The following ITSN2 variants were observed in gnomAD, a reference collection of about 807,000 sequenced individuals.
ITSN2 encodes the protein intersectin 2.
A neutral mutation model predicts 243.7 loss-of-function variants in ITSN2; 156 were observed. The ratio of observed to expected loss-of-function variants is 0.64; its 90% CI spans 0.56 to 0.73. The LOEUF (loss-of-function observed/expected upper bound fraction) is 0.73, where lower values mean the gene tolerates loss of function less well. ITSN2 is among the 30% of genes least tolerant of loss of function. ITSN2 has a pLI of 0.00. For missense variants in ITSN2, 1,801 were observed against 1,996.1 expected (o/e 0.90, Z 1.86); for synonymous variants, 703 against 699.9 (o/e 1.00, Z -0.07).
At chr2:24,233,751 T>G (rs1228012056) in intron 29 of ITSN2, among the ~76,000 whole-genome samples, 1 of 152,174 alleles carries the variant, frequency 6.6e-6, no homozygotes, top group Admixed American at 6.5e-5. Flanking sequence ...GTGGGTATTA[T>G]TATTCTCACT....
intron 29 of ITSN2, among the ~76,000 whole-genome samples, chr2:24,223,341 C>G (rs1670659944): frequency 6.6e-6 from 1 of 151,984 alleles, no homozygotes; most frequent in South Asian, 2.1e-4. Context: ...AGAAATTACT[C>G]CCACAGAGAA....
intron 37 of ITSN2, 157 bp from the exon 38 acceptor site, chr2:24,205,454 T>G (rs974963103): frequency 1.7e-6 from 1 of 602,172 alleles, no homozygotes; most frequent in South Asian, 1.9e-5. Context: ...TTCCCCAGGC[T>G]GTGTTGCCTG....
At chr2:24,244,935 C>T (rs150007974) in intron 29 of ITSN2, among the ~76,000 whole-genome samples, 2 of 152,202 alleles carry the variant, frequency 1.3e-5, no homozygotes, top group African/African-American at 4.8e-5. Context: ...TATACTGAAT[C>T]ATAAGTGTAT....
intron 29 of ITSN2, among the ~76,000 whole-genome samples, chr2:24,227,393 A>G (rs1480528063): frequency 6.6e-6 from 1 of 152,204 alleles, no homozygotes; most frequent in Non-Finnish European, 1.5e-5. Context: ...AAAAATACAC[A>G]TGGAGATGTA....
chr2:24,257,518 G>A (rs1052551762), intron 23 of ITSN2, among the ~76,000 whole-genome samples: 1 of 150,070 alleles, frequency 6.7e-6, no homozygotes, highest in African/African-American at 2.5e-5. Flanking sequence ...GTGCAATGGC[G>A]TCATCTTGGC....
chr2:24,217,025 A>G (rs958219388), intron 31 of ITSN2, among the ~76,000 whole-genome samples: 3 of 151,684 alleles, frequency 2.0e-5, no homozygotes, highest in East Asian at 1.9e-4. Context: ...CGGAGCTGGC[A>G]GCGAGCCGAG....
chr2:24,361,285 C>T (rs978671355), upstream of ITSN2, among the ~76,000 whole-genome samples: 6 of 152,178 alleles, frequency 3.9e-5, no homozygotes, highest in Admixed American at 3.3e-4. Context: ...TCTCTTTTCT[C>T]CCCTCCCGGT....
chr2:24,206,946 G>A (rs569108955), intron 37 of ITSN2, among the ~76,000 whole-genome samples: 1 of 152,226 alleles, frequency 6.6e-6, no homozygotes, highest in South Asian at 2.1e-4. Flanking sequence ...GAGCACTTGA[G>A]CTGGAGGGGG....
intron 29 of ITSN2, among the ~76,000 whole-genome samples, chr2:24,245,177 C>G (rs192191786): frequency 1.3e-5 from 2 of 152,070 alleles, no homozygotes; most frequent in African/African-American, 2.4e-5. Context: ...ACCAAAAGAA[C>G]GGCTAGATAA....
chr2:24,304,930 A>T (rs1395625293), intron 8 of ITSN2, among the ~76,000 whole-genome samples: 1 of 152,230 alleles, frequency 6.6e-6, no homozygotes, highest in Non-Finnish European at 1.5e-5. Flanking sequence ...TAGTCGGCCA[A>T]GCCTCTGGAT....
chr2:24,313,830 A>C (rs1031889224), intron 3 of ITSN2, among the ~76,000 whole-genome samples: 7 of 152,318 alleles, frequency 4.6e-5, no homozygotes, highest in African/African-American at 1.7e-4. Flanking sequence ...ATATTTAAAA[A>C]CACTATTCCC....
chr2:24,289,744 T>C (rs1226242210), intron 15 of ITSN2, among the ~76,000 whole-genome samples: 1 of 152,218 alleles, frequency 6.6e-6, no homozygotes, highest in Non-Finnish European at 1.5e-5. Context: ...TGGCTTTCAA[T>C]GTGGCCCAAC....
Position 24,271,766 on chromosome 2 carries a change from G to T in ITSN2, c.2257C>A (p.Arg753Ser). The T allele has an allele frequency of 1.3e-6, 2 of 1,575,180 alleles. No individual in the cohort carries two copies. The highest frequency in any genetic ancestry group is 3.9e-5 in the Admixed American group (2 of 51,906). ...KDTLKAEEKK[R>S]ETASVLVNYR... ...TGTCTCAAAGTATCCTTATCCTTACGTTTTTTCTCCTCAGCTTTCAAAGTA... is the reference window on the plus strand; with the variant it reads ...TGTCTCAAAGTATCCTTATCCTTACTTTTTTTCTCCTCAGCTTTCAAAGTA... The change falls in exon 19 of 40, where the codon CGT becomes AGT. Residue 753 changes from arginine (R) to serine (S), a missense_variant and splice_region_variant. Coordinates refer to ENST00000355123, the MANE Select transcript of ITSN2 (RefSeq NM_006277.3).
At chr2:24,287,175 C>G (rs994824424) in intron 15 of ITSN2, among the ~76,000 whole-genome samples, 2 of 152,058 alleles carry the variant, frequency 1.3e-5, no homozygotes, top group Non-Finnish European at 2.9e-5. Flanking sequence ...ATCATATTGT[C>G]TACATTGCTA....
chr2:24,300,131 C>G lies in ITSN2; in HGVS notation c.1122G>C (p.Gly374=). ...EDKRKANYER[G]NMELEKRRQA... is the part of the protein sequence containing the mutation. ...GGCGTCGCTTTTCCAGCTCCATGTT[C>G]CCTCGCTCATAGTTGGCTTTCCGTT... is the stretch of plus-strand genomic sequence containing the variant. The change falls in exon 12 of 40, where the codon GGG becomes GGC. Residue 374 remains glycine (G), a synonymous_variant. Coordinates refer to ENST00000355123, the MANE Select transcript of ITSN2 (RefSeq NM_006277.3). 6.2e-7 allele frequency: 1 copy of G among 1,614,158 alleles called. No individual in the cohort carries two copies. Among genetic ancestry groups the G allele is most frequent in the Non-Finnish European group, 8.5e-7 (1 of 1,180,028 alleles).
chr2:24,294,154 G>A (rs766844811), intron 14 of ITSN2, among the ~76,000 whole-genome samples: 6 of 152,172 alleles, frequency 3.9e-5, no homozygotes, highest in Non-Finnish European at 8.8e-5. Flanking sequence ...AGCTGGGTGC[G>A]GTGGCTCACA....
At position 24,312,250 on chromosome 2, in the gene ITSN2, T is replaced by C; in HGVS notation, c.314A>G (p.Gln105Arg). Residue 105 changes from glutamine to arginine, a missense_variant, in exon 5 of 40, where the codon CAA becomes CGA. Gln to Arg is a conservative substitution (Grantham distance 43, BLOSUM62 1). Transcript: ENST00000355123. ...AATTAATGGAGAAAACATAGGGGGT[T>C]GCTTCATAATAGGAGGGAGAACCAC... ...LPVVLPPIMK[Q>R]PPMFSPLISA... 6.2e-7 allele frequency: 1 copy of C among 1,613,136 alleles called. No homozygotes were observed. Among genetic ancestry groups the C allele is most frequent in the Non-Finnish European group, 8.5e-7 (1 of 1,179,438 alleles).
chr2:24,250,737 A>G (rs1306995863), intron 25 of ITSN2, among the ~76,000 whole-genome samples: 1 of 152,218 alleles, frequency 6.6e-6, no homozygotes, highest in African/African-American at 2.4e-5. Context: ...GGTAGAATAA[A>G]AAAGAACATT....
At chr2:24,242,369 C>T (rs146144515) in intron 29 of ITSN2, among the ~76,000 whole-genome samples, 3 of 152,102 alleles carry the variant, frequency 2.0e-5, no homozygotes, top group East Asian at 1.9e-4. Context: ...AAAAATAATA[C>T]TTAAAAGGGC....
Sources: gnomAD v4.1 joint callset for allele counts (sites outside exome capture counted in the v4.1 genomes callset) on GRCh38, gnomAD v4.1.1 for gene constraint, MANE v1.5 for transcripts, NCBI Gene and HGNC (gene_info 2026-07-23, HGNC 2026-07-21) for gene names.